MIS18A: variants seen among roughly 807,000 people sequenced by gnomAD.
MIS18A encodes the protein MIS18 kinetochore protein A.
A neutral mutation model predicts 25.0 loss-of-function variants in MIS18A; 14 were observed. The observed-to-expected ratio is 0.56, with a 90% confidence interval of 0.37 to 0.88. MIS18A has a LOEUF of 0.88. MIS18A is among the 40% of genes least tolerant of loss of function. The pLI is 0.00. For synonymous variants in MIS18A, 134 were observed against 118.6 expected, an observed-to-expected ratio of 1.13 and a Z score of -0.84; for missense variants, 292 against 290.8, an observed-to-expected ratio of 1.00 and a Z score of -0.03.
the MIS18A span, among the ~76,000 whole-genome samples, chr21:32,164,442 C>A: frequency 1.3e-5 from 2 of 152,062 alleles, no homozygotes; most frequent in Non-Finnish European, 2.9e-5. Context: ...GTTTCTGTAA[C>A]CAAACTCATG....
the MIS18A span, among the ~76,000 whole-genome samples, chr21:32,251,606 C>T: frequency 6.6e-6 from 1 of 152,204 alleles, no homozygotes; most frequent in Non-Finnish European, 1.5e-5. Context: ...CATATCTCTT[C>T]TTGAACTTGT....
chr21:32,224,242 G>A, the MIS18A span, among the ~76,000 whole-genome samples: 13 of 149,220 alleles, frequency 8.7e-5, no homozygotes, highest in South Asian at 2.2e-4. Flanking sequence ...CTCTCTCACC[G>A]CTCCTATTCA....
the MIS18A span, among the ~76,000 whole-genome samples, chr21:32,258,045 G>A: frequency 6.6e-6 from 1 of 152,134 alleles, no homozygotes; most frequent in African/African-American, 2.4e-5. Context: ...CAAGTCTCGT[G>A]TGAGTCAGAC....
chr21:32,168,663 G>A, the MIS18A span, among the ~76,000 whole-genome samples: 1 of 152,120 alleles, frequency 6.6e-6, no homozygotes, highest in African/African-American at 2.4e-5. Flanking sequence ...AAGGGCAAAG[G>A]TACTAATTAA....
At chr21:32,171,280 A>C in the MIS18A span, among the ~76,000 whole-genome samples, 1 of 152,110 alleles carries the variant, frequency 6.6e-6, no homozygotes, top group Non-Finnish European at 1.5e-5. Context: ...AAATGAATTC[A>C]TCAAAGTTGA....
At chr21:32,166,546 G>T in the MIS18A span, among the ~76,000 whole-genome samples, 25 of 152,102 alleles carry the variant, frequency 1.6e-4, no homozygotes, top group Admixed American at 1.5e-3. Flanking sequence ...AACTGAAAGA[G>T]TTCCCAGTGG....
chr21:32,213,017 C>A, the MIS18A span, among the ~76,000 whole-genome samples: 1 of 152,080 alleles, frequency 6.6e-6, no homozygotes, highest in Non-Finnish European at 1.5e-5. Flanking sequence ...TAGAAAAGAC[C>A]AGATCAGATA....
intron 1 of MIS18A, among the ~76,000 whole-genome samples, chr21:32,276,943 A>T (rs567845876): frequency 3.3e-5 from 5 of 151,788 alleles, no homozygotes; most frequent in Admixed American, 2.0e-4. Context: ...TAACCCTATT[A>T]AAAAAAAACC....
At chr21:32,156,539 T>C in the MIS18A span, 2 of 151,792 alleles carry the variant, frequency 1.3e-5, no homozygotes, top group Non-Finnish European at 2.9e-5. Flanking sequence ...GAGTTAGATA[T>C]AGTACCCACT....
the MIS18A span, among the ~76,000 whole-genome samples, chr21:32,179,990 G>A: frequency 3.1e-3 from 473 of 152,308 alleles, 4 homozygotes; most frequent in African/African-American, 0.011. Flanking sequence ...GTAGAATACC[G>A]TACCAGAGAT....
the MIS18A span, among the ~76,000 whole-genome samples, chr21:32,207,681 CT>C: frequency 6.6e-6 from 1 of 151,564 alleles, no homozygotes; most frequent in Non-Finnish European, 1.5e-5. Flanking sequence ...TTCTTCTTTT[CT>C]TTTTCTTTTT....
the MIS18A span, among the ~76,000 whole-genome samples, chr21:32,226,953 T>C: frequency 6.6e-6 from 1 of 151,904 alleles, no homozygotes; most frequent in Non-Finnish European, 1.5e-5. Flanking sequence ...AATTCACAAA[T>C]AGGAAAACAA....
the MIS18A span, among the ~76,000 whole-genome samples, chr21:32,178,818 C>A: frequency 6.6e-6 from 1 of 152,132 alleles, no homozygotes; most frequent in African/African-American, 2.4e-5. Context: ...TCTAGTCTCT[C>A]CTTTTGATTA....
the MIS18A span, among the ~76,000 whole-genome samples, chr21:32,194,664 T>TAAA: frequency 2.3e-3 from 329 of 146,000 alleles, 2 homozygotes; most frequent in East Asian, 6.2e-3. Flanking sequence ...CGTCTCGAAT[T>TAAA]AAAAAAAAAA....
chr21:32,168,128 A>G, the MIS18A span, among the ~76,000 whole-genome samples: 1 of 152,146 alleles, frequency 6.6e-6, no homozygotes, highest in African/African-American at 2.4e-5. Flanking sequence ...TCTCTACCAC[A>G]TGAGGAGACA....
chr21:32,222,967 G>T, the MIS18A span, among the ~76,000 whole-genome samples: 3 of 140,404 alleles, frequency 2.1e-5, no homozygotes, highest in Non-Finnish European at 4.7e-5. Context: ...AAGAAAGAAA[G>T]AAACTCACTC....
chr21:32,172,337 G>C, the MIS18A span, among the ~76,000 whole-genome samples: 1 of 152,030 alleles, frequency 6.6e-6, no homozygotes, highest in Admixed American at 6.6e-5. Flanking sequence ...AGATATCCGT[G>C]CTTCCGTGTT....
chr21:32,219,455 T>G, the MIS18A span, among the ~76,000 whole-genome samples: 7 of 152,178 alleles, frequency 4.6e-5, no homozygotes, highest in African/African-American at 1.7e-4. Flanking sequence ...CCAGATACTA[T>G]GCTTTTCCCA....
At chr21:32,256,389 G>A in the MIS18A span, among the ~76,000 whole-genome samples, 5 of 152,114 alleles carry the variant, frequency 3.3e-5, no homozygotes, top group African/African-American at 1.2e-4. Flanking sequence ...TTCATCGGAT[G>A]ACTTGGCATC....
Sources: gnomAD v4.1 joint callset for allele counts (sites outside exome capture counted in the v4.1 genomes callset) on GRCh38, gnomAD v4.1.1 for gene constraint, MANE v1.5 for transcripts, NCBI Gene and HGNC (gene_info 2026-07-23, HGNC 2026-07-21) for gene names.